The following PRIMA1 variants were observed in gnomAD, a reference collection of about 807,000 sequenced individuals.
The protein encoded by PRIMA1 is proline-rich membrane anchor 1.
PRIMA1 carries 7 observed loss-of-function variants against 17.5 expected under a neutral mutation model. The ratio of observed to expected loss-of-function variants is 0.40; its 90% CI spans 0.23 to 0.75. The LOEUF (loss-of-function observed/expected upper bound fraction) is 0.75, where lower values mean the gene tolerates loss of function less well. Ranked by LOEUF, PRIMA1 falls within the 30% of genes least tolerant of loss-of-function variation. The pLI is 0.37. For missense variants in PRIMA1, 200 were observed against 201.8 expected (o/e 0.99, Z 0.05); for synonymous variants, 97 against 77.9 (o/e 1.25, Z -1.29).
chr14:93,747,722 G>A (rs957996784), intron 3 of PRIMA1, among the ~76,000 whole-genome samples: 15 of 151,654 alleles, frequency 9.9e-5, no homozygotes, highest in Non-Finnish European at 1.8e-4. Context: ...GTATGAGTGT[G>A]TATATGAGTG....
At chr14:93,760,144 G>T (rs1181799009) in intron 3 of PRIMA1, among the ~76,000 whole-genome samples, 1 of 152,230 alleles carries the variant, frequency 6.6e-6, no homozygotes, top group Non-Finnish European at 1.5e-5. Context: ...ACAAAACAAG[G>T]CAACGTCTTG....
chr14:93,757,683 T>C (rs951727688), intron 3 of PRIMA1, among the ~76,000 whole-genome samples: 3 of 150,704 alleles, frequency 2.0e-5, no homozygotes, highest in Non-Finnish European at 4.4e-5. Context: ...GTGGGCTGAG[T>C]GGTGGGCTTT....
Position 93,727,417 on chromosome 14 carries a change from C to T in PRIMA1, c.360-5871G>A, listed in dbSNP as rs796932321. Among the ~76,000 whole-genome samples, 60 of 152,304 alleles carry T rather than the reference C, an allele frequency of 3.9e-4. 1 individual carries two copies. Among genetic ancestry groups the T allele is most frequent in the African/African-American group, 1.4e-3 (59 of 41,560 alleles). On this transcript the variant is annotated intron_variant, in intron 4 of 4. Transcript: ENST00000393140. ...AAGGATTGCGGGCTCATGCACAGAG[C>T]CCTGGACAGGGACCTCCAAGCTAGC... is the stretch of plus-strand genomic sequence containing the variant.
At chr14:93,764,666 A>G (rs1884837099) in intron 3 of PRIMA1, among the ~76,000 whole-genome samples, 2 of 152,184 alleles carry the variant, frequency 1.3e-5, no homozygotes, top group South Asian at 4.1e-4. Flanking sequence ...AGGTCTCCCC[A>G]TGATAGGAGA....
intron 4 of PRIMA1, among the ~76,000 whole-genome samples, chr14:93,723,273 A>AG (rs535555803): frequency 1.4e-3 from 214 of 152,256 alleles, no homozygotes; most frequent in Non-Finnish European, 1.4e-3. Context: ...GTAGCTGTCC[A>AG]GGCTGGACAC....
chr14:93,786,248 T>C (rs753421462), intron 2 of PRIMA1, among the ~76,000 whole-genome samples: 5 of 152,250 alleles, frequency 3.3e-5, no homozygotes, highest in Non-Finnish European at 4.4e-5. Flanking sequence ...AAATCATGTT[T>C]CCTGAGGAGG....
chr14:93,726,045 C>T lies in PRIMA1; in HGVS notation c.360-4499G>A, dbSNP rs968672850. 2.2e-5 allele frequency: 10 copies of T among 456,424 alleles called. No homozygotes were observed. The highest frequency in any genetic ancestry group is 7.7e-5 in the South Asian group (5 of 64,570). The allele number at this position is 456,424 out of a possible 1,614,324, so 28.3% of individuals were successfully genotyped here. The stretch of plus-strand genomic sequence containing the variant: ...GAGAGGTTAGTGAGACTTTCCTTGG[C>T]GGCACCCAGGATTCCTGCTTGTAGG... On this transcript the variant is annotated intron_variant, in intron 4 of 4. Transcript: ENST00000393140. This position sits in a 1 kb window ranked among gnomAD's most constrained non-coding sequence, Gnocchi z 4.2.
Position 93,719,894 on chromosome 14 carries a change from G to A in PRIMA1, c.*1550C>T, listed in dbSNP as rs901355072. On this transcript the variant is annotated 3_prime_UTR_variant, in exon 5 of 5. Transcript: ENST00000393140. Reference sequence around the variant, plus strand: ...TCCTCAGCCCACACCTGATGACCTGGGCAGGACAATGACACACAGACAGCT... The same window carrying A: ...TCCTCAGCCCACACCTGATGACCTGAGCAGGACAATGACACACAGACAGCT... 6.6e-6 allele frequency: 1 copy of A among 152,228 alleles called. No homozygotes were observed. Among genetic ancestry groups the A allele is most frequent in the African/African-American group, 2.4e-5 (1 of 41,450 alleles). 9.4% of individuals were successfully genotyped at this position (152,228 alleles called of 1,614,324 possible). A position where few individuals can be genotyped will look rare whatever the true frequency, so the allele number is the denominator to read the frequency against.
intron 3 of PRIMA1, among the ~76,000 whole-genome samples, chr14:93,748,714 T>G (rs1329872975): frequency 6.6e-6 from 1 of 152,152 alleles, no homozygotes; most frequent in Non-Finnish European, 1.5e-5. Flanking sequence ...TATTTCTGCC[T>G]GGTGCTCTGT....
intron 3 of PRIMA1, among the ~76,000 whole-genome samples, chr14:93,754,470 G>A (rs72694721): frequency 0.039 from 5,953 of 152,150 alleles, 171 homozygotes; most frequent in Non-Finnish European, 0.053. Context: ...TCTGGTCCCC[G>A]CCTTCTCCAG....
In PRIMA1 at chr14:93,732,002, C is replaced by T. The variant is rs141736384; in HGVS notation, c.359+5239G>A. Among the ~76,000 whole-genome samples the T allele has an allele frequency of 1.1e-4, 16 of 152,362 alleles. No individual in the cohort carries two copies. The East Asian group carries it at 2.1e-3, about 20-fold the overall frequency. The stretch of plus-strand genomic sequence containing the variant: ...TCAAGCCCACATCCAGGAAGCAGCA[C>T]GCTTGCTTAAGGTCAGCAATTAACG... On this transcript the variant is annotated intron_variant, in intron 4 of 4. Coordinates refer to ENST00000393140, the MANE Select transcript of PRIMA1 (RefSeq NM_178013.4).
At chr14:93,737,171 T>C (rs1421703811) in intron 4 of PRIMA1, 70 bp downstream of exon 4, 4 of 1,470,342 alleles carry the variant, frequency 2.7e-6, no homozygotes, top group Non-Finnish European at 3.8e-6. Context: ...ATACGGGATG[T>C]GTGTAGGAGC....
At chr14:93,766,036 G>A (rs974541176) in intron 3 of PRIMA1, among the ~76,000 whole-genome samples, 1 of 152,158 alleles carries the variant, frequency 6.6e-6, no homozygotes, top group Non-Finnish European at 1.5e-5. Flanking sequence ...TTGCACTCAG[G>A]GCCACACATT....
At chr14:93,782,128 C>T (rs1290066651) in intron 2 of PRIMA1, among the ~76,000 whole-genome samples, 8 of 152,092 alleles carry the variant, frequency 5.3e-5, no homozygotes, top group Admixed American at 3.9e-4. Context: ...ATTAGCCGGG[C>T]GTGGCGGTGG....
chr14:93,749,199 G>A (rs950962971), intron 3 of PRIMA1, among the ~76,000 whole-genome samples: 2 of 152,176 alleles, frequency 1.3e-5, no homozygotes, highest in Non-Finnish European at 2.9e-5. Context: ...GCAGACGCAC[G>A]GCTGCGCAGA....
In PRIMA1 at chr14:93,781,773, G is replaced by A. The variant is rs535954311; in HGVS notation, c.94-2462C>T. Among the ~76,000 whole-genome samples the A allele has an allele frequency of 2.4e-4, 37 of 151,426 alleles. No homozygotes were observed. In the East Asian group the frequency reaches 5.8e-3, roughly 24 times the overall value. ...GCGGATCACCTGAGGTCAGGAGTTCGAGACCAGCCTGGCCAACGTGATGAA... is the reference window on the plus strand; with the variant it reads ...GCGGATCACCTGAGGTCAGGAGTTCAAGACCAGCCTGGCCAACGTGATGAA... On this transcript the variant is annotated intron_variant, in intron 2 of 4. Coordinates refer to ENST00000393140, the MANE Select transcript of PRIMA1 (RefSeq NM_178013.4).
chr14:93,765,420 C>G (rs1884859052), intron 3 of PRIMA1, among the ~76,000 whole-genome samples: 1 of 149,198 alleles, frequency 6.7e-6, no homozygotes, highest in Non-Finnish European at 1.5e-5. Context: ...TTGCTTTGTC[C>G]TGGACACAAG....
Position 93,726,045 on chromosome 14 carries a change from C to A in PRIMA1, c.360-4499G>T, listed in dbSNP as rs968672850. 1 of 456,424 alleles carries A rather than the reference C, an allele frequency of 2.2e-6. No individual in the cohort carries two copies. The highest frequency in any genetic ancestry group is 2.0e-5 in the African/African-American group (1 of 50,056). 28.3% of individuals were successfully genotyped at this position (456,424 alleles called of 1,614,324 possible). On this transcript the variant is annotated intron_variant, in intron 4 of 4. Transcript: ENST00000393140. This position sits in a 1 kb window ranked among gnomAD's most constrained non-coding sequence, Gnocchi z 4.2. ...GAGAGGTTAGTGAGACTTTCCTTGGCGGCACCCAGGATTCCTGCTTGTAGG... is the reference window on the plus strand; with the variant it reads ...GAGAGGTTAGTGAGACTTTCCTTGGAGGCACCCAGGATTCCTGCTTGTAGG...
At chr14:93,725,915 A>G (rs2076072334) in intron 4 of PRIMA1, 1 of 456,284 alleles carries the variant, frequency 2.2e-6, no homozygotes, top group Non-Finnish European at 4.4e-6. Flanking sequence ...TCTGTGAGTC[A>G]GCTGAGGCTG....
Sources: allele counts gnomAD v4.1 joint callset (sites outside exome capture counted in the v4.1 genomes callset), GRCh38; gene constraint gnomAD v4.1.1; non-coding constraint Gnocchi (gnomAD v3.1); transcripts MANE v1.5; gene names NCBI Gene and HGNC (gene_info 2026-07-23, HGNC 2026-07-21).